MTHFD1L: variants seen among roughly 807,000 people sequenced by gnomAD.
MTHFD1L encodes the protein monofunctional C1-tetrahydrofolate synthase, mitochondrial.
A neutral mutation model predicts 119.5 loss-of-function variants in MTHFD1L; 81 were observed. The ratio of observed to expected loss-of-function variants is 0.68; its 90% CI spans 0.57 to 0.82. The LOEUF is 0.82. Among genes scored for constraint, MTHFD1L ranks in the 40% least tolerant of loss-of-function variants. The pLI is 0.00. For missense variants in MTHFD1L, 1,125 were observed against 1,253.4 expected, an observed-to-expected ratio of 0.90 and a Z score of 1.55; for synonymous variants, 430 against 475.2, an observed-to-expected ratio of 0.90 and a Z score of 1.24.
intron 20 of MTHFD1L, among the ~76,000 whole-genome samples, chr6:151,004,162 G>A (rs1781050229): frequency 6.6e-6 from 1 of 151,962 alleles, no homozygotes; most frequent in Non-Finnish European, 1.5e-5. Context: ...GGCCAACATG[G>A]TGAAATCCTG....
intron 1 of MTHFD1L, among the ~76,000 whole-genome samples, chr6:150,871,751 T>C (rs1210024871): frequency 1.3e-5 from 2 of 150,134 alleles, no homozygotes; most frequent in African/African-American, 2.4e-5. Flanking sequence ...ATCCGCCCAC[T>C]TCGGCCTCCC....
chr6:150,993,672 G>T (rs1779352042), intron 20 of MTHFD1L, among the ~76,000 whole-genome samples: 1 of 152,074 alleles, frequency 6.6e-6, no homozygotes, highest in South Asian at 2.1e-4. Context: ...CCTGCACATA[G>T]ATCTTGTGCC....
intron 27 of MTHFD1L, among the ~76,000 whole-genome samples, chr6:151,099,135 C>A (rs1414572986): frequency 1.3e-5 from 2 of 149,486 alleles, no homozygotes; most frequent in Non-Finnish European, 3.0e-5. Context: ...GATATCGCAT[C>A]GCTGCACTCC....
chr6:151,029,362 C>T (rs1327721334), intron 24 of MTHFD1L, among the ~76,000 whole-genome samples: 4 of 151,122 alleles, frequency 2.6e-5, no homozygotes, highest in African/African-American at 7.3e-5. Context: ...CAGAGGTTAC[C>T]GTGAGCCAAG....
chr6:150,884,996 A>G (rs184898071), intron 5 of MTHFD1L, among the ~76,000 whole-genome samples: 103 of 152,200 alleles, frequency 6.8e-4, no homozygotes, highest in Admixed American at 3.2e-3. Flanking sequence ...ATGCTAGTCC[A>G]TTGGGGTCCA....
At position 150,891,130 on chromosome 6, in the gene MTHFD1L, T is replaced by C. The variant is rs546152231; in HGVS notation, c.780+3149T>C. ...CCTCCTGAGTAGCTGGGACTACAGG[T>C]GTGCGCCACCATGCCCAGCTAATTT... On this transcript the variant is annotated intron_variant, in intron 7 of 27. Coordinates refer to ENST00000367321, the MANE Select transcript of MTHFD1L (RefSeq NM_015440.5). 2.0e-5 allele frequency among the ~76,000 whole-genome samples: 3 copies of C among 152,154 alleles called. No individual in the cohort carries two copies. The East Asian group carries it at 5.8e-4, about 29-fold the overall frequency.
intron 26 of MTHFD1L, among the ~76,000 whole-genome samples, chr6:151,055,406 A>G (rs118094076): frequency 0.032 from 4,900 of 152,296 alleles, 157 homozygotes; most frequent in Admixed American, 0.099. Context: ...TCGGTTTTAC[A>G]TGCAAGGAAA....
At chr6:151,075,013 G>A (rs1156255044) in intron 26 of MTHFD1L, among the ~76,000 whole-genome samples, 3 of 152,062 alleles carry the variant, frequency 2.0e-5, no homozygotes, top group African/African-American at 7.2e-5. Flanking sequence ...AGTTAACAAA[G>A]TTAATATATA....
At chr6:150,879,556 A>G (rs1364773976) in intron 4 of MTHFD1L, among the ~76,000 whole-genome samples, 2 of 148,468 alleles carry the variant, frequency 1.3e-5, no homozygotes, top group African/African-American at 5.0e-5. Context: ...CCAAAGTGCT[A>G]GGATTACAGG....
intron 4 of MTHFD1L, among the ~76,000 whole-genome samples, chr6:150,879,068 A>G (rs1156627463): frequency 6.6e-6 from 1 of 152,212 alleles, no homozygotes; most frequent in Non-Finnish European, 1.5e-5. Flanking sequence ...TATACCAGGA[A>G]GCCTTAGATC....
intron 21 of MTHFD1L, among the ~76,000 whole-genome samples, chr6:151,012,376 G>A (rs1200693429): frequency 1.3e-5 from 2 of 151,736 alleles, no homozygotes; most frequent in Admixed American, 6.6e-5. Flanking sequence ...TTCTACTTCT[G>A]TTTTCTTTTT....
At chr6:150,906,217 A>G (rs1200244142) in intron 8 of MTHFD1L, among the ~76,000 whole-genome samples, 1 of 152,222 alleles carries the variant, frequency 6.6e-6, no homozygotes, top group Non-Finnish European at 1.5e-5. Flanking sequence ...GCATTGACCC[A>G]TGAAGCACAT....
At chr6:150,871,495 CTTTTT>C (rs149449398) in intron 1 of MTHFD1L, among the ~76,000 whole-genome samples, 1 of 102,144 alleles carries the variant, frequency 9.8e-6, no homozygotes, top group Admixed American at 1.1e-4. Context: ...CTACTGTAAT[CTTTTT>C]TTTTTTTTTT....
At chr6:150,997,062 C>G (rs1779892510) in intron 20 of MTHFD1L, among the ~76,000 whole-genome samples, 1 of 152,212 alleles carries the variant, frequency 6.6e-6, no homozygotes, top group South Asian at 2.1e-4. Flanking sequence ...TCACCTGACT[C>G]TTACCGCTGT....
At chr6:151,016,193 G>A (rs1350774231) in intron 24 of MTHFD1L, among the ~76,000 whole-genome samples, 7 of 152,214 alleles carry the variant, frequency 4.6e-5, no homozygotes, top group Admixed American at 4.6e-4. Flanking sequence ...TGCTTTTGAA[G>A]ACTCCCAAAT....
chr6:150,949,255 C>T (rs1479969384), intron 16 of MTHFD1L, 122 bp downstream of exon 16: 2 of 704,550 alleles, frequency 2.8e-6, no homozygotes, highest in Non-Finnish European at 4.8e-6. Context: ...GCCTGTGCTT[C>T]ATATTCCCAC....
chr6:150,940,517 C>T (rs1434039497), intron 13 of MTHFD1L, among the ~76,000 whole-genome samples: 4 of 152,136 alleles, frequency 2.6e-5, no homozygotes, highest in Admixed American at 2.6e-4. Flanking sequence ...ATTGGAAGGA[C>T]ATTGGTGTCC....
rs529119976 is a variant in MTHFD1L, at chr6:150,886,414, C to T, written c.643+680C>T. On this transcript the variant is annotated intron_variant, in intron 6 of 27. Transcript: ENST00000367321. ...TTGCACCACTGCACTCTAGCCTGGGCAATATAGCAAGACCCTGCCTCAAAA... is the reference window on the plus strand; with the variant it reads ...TTGCACCACTGCACTCTAGCCTGGGTAATATAGCAAGACCCTGCCTCAAAA... Among the ~76,000 whole-genome samples the T allele has an allele frequency of 3.2e-5, 3 of 94,622 alleles. No homozygotes were observed. The East Asian group carries it at 9.5e-4, about 30-fold the overall frequency. 62.1% of individuals were successfully genotyped at this position (94,622 alleles called of 152,430 possible). A position where few individuals can be genotyped will look rare whatever the true frequency, so the allele number is the denominator to read the frequency against.
In MTHFD1L at chr6:150,997,034, C is replaced by A. The variant is rs114502903; in HGVS notation, c.2126-12785C>A. Among the ~76,000 whole-genome samples the A allele has an allele frequency of 6.9e-3, 1,054 of 152,224 alleles. 20 individuals carry two copies. Among genetic ancestry groups the A allele is most frequent in the African/African-American group, 0.024 (993 of 41,524 alleles). ...GGGGCTGAGATGGGTCCAAAGGGGC[C>A]CTTAACCTCTCACTTGATCACCTGA... On this transcript the variant is annotated intron_variant, in intron 20 of 27. Coordinates refer to ENST00000367321, the MANE Select transcript of MTHFD1L (RefSeq NM_015440.5).
Sources: allele counts gnomAD v4.1 joint callset (sites outside exome capture counted in the v4.1 genomes callset), GRCh38; gene constraint gnomAD v4.1.1; transcripts MANE v1.5; gene names NCBI Gene and HGNC (gene_info 2026-07-23, HGNC 2026-07-21).